Variants in KANSL3 observed in about 807,000 individuals in gnomAD.
KANSL3 encodes the protein KAT8 regulatory NSL complex subunit 3.
In KANSL3, 16 loss-of-function variants were observed where a neutral mutation model predicts 89.2. The ratio of observed to expected loss-of-function variants is 0.18; its 90% CI spans 0.12 to 0.27. The LOEUF (loss-of-function observed/expected upper bound fraction) is 0.27, where lower values mean the gene tolerates loss of function less well. KANSL3 is among the 10% of genes least tolerant of loss of function. The pLI is 1.00. For missense variants in KANSL3, 879 were observed against 1,110.6 expected (o/e 0.79, Z 2.96); for synonymous variants, 385 against 419.7 (o/e 0.92, Z 1.01).
chr2:96,594,885 A>C lies in KANSL3; in HGVS notation c.*726T>G, dbSNP rs1308397498. The C allele has an allele frequency of 6.6e-6, 1 of 152,310 alleles. No individual in the cohort carries two copies. The highest frequency in any genetic ancestry group is 1.5e-5 in the Non-Finnish European group (1 of 68,086). The allele number at this position is 152,310 out of a possible 1,614,324, so 9.4% of individuals were successfully genotyped here. A position where few individuals can be genotyped will look rare whatever the true frequency, so the allele number is the denominator to read the frequency against. On this transcript the variant is annotated 3_prime_UTR_variant, in exon 21 of 21. Transcript: ENST00000431828. Reference sequence around the variant, plus strand: ...CTGCCCAAAGCATGGTGAAAAAGACAAAGGGCCCAGGTTTCACCTGGCAAC... The same window carrying C: ...CTGCCCAAAGCATGGTGAAAAAGACCAAGGGCCCAGGTTTCACCTGGCAAC...
Position 96,593,467 on chromosome 2 carries a change from C to G in KANSL3, c.*2144G>C. On this transcript the variant is annotated 3_prime_UTR_variant, in exon 21 of 21. Coordinates refer to ENST00000431828, the MANE Select transcript of KANSL3 (RefSeq NM_001115016.3). The stretch of plus-strand genomic sequence containing the variant: ...AATAGGTAAAGCTTCCTTTCGCGTT[C>G]CAAGAAATATAGTTTGCGAAGGGAA... 2.7e-6 allele frequency: 1 copy of G among 375,614 alleles called. No individual in the cohort carries two copies. Among genetic ancestry groups the G allele is most frequent in the East Asian group, 7.3e-5 (1 of 13,772 alleles). 23.3% of individuals were successfully genotyped at this position (375,614 alleles called of 1,614,324 possible). A position where few individuals can be genotyped will look rare whatever the true frequency, so the allele number is the denominator to read the frequency against.
chr2:96,610,657 T>C, intron 11 of KANSL3, 69 bp downstream of exon 11: 2 of 1,565,928 alleles, frequency 1.3e-6, no homozygotes, highest in Non-Finnish European at 8.7e-7. Context: ...GTAGTTACAT[T>C]GCCAGCTTCC....
At chr2:96,583,297 C>G in the KANSL3 span, among the ~76,000 whole-genome samples, 2 of 152,300 alleles carry the variant, frequency 1.3e-5, no homozygotes, top group South Asian at 4.1e-4. Context: ...GTAGGAGCTA[C>G]TTGGCTATTA....
chr2:96,628,544 G>A (rs1214636375), intron 3 of KANSL3: 1 of 165,616 alleles, frequency 6.0e-6, no homozygotes, highest in East Asian at 1.7e-4. Context: ...CTACTTGGGA[G>A]GTTAAGGTTC....
At position 96,619,348 on chromosome 2, in the gene KANSL3, C is replaced by A. The variant is rs1305779733; in HGVS notation, c.663+11G>T. On this transcript the variant is annotated intron_variant, in intron 5 of 20. Coordinates refer to ENST00000431828, the MANE Select transcript of KANSL3 (RefSeq NM_001115016.3). ...TCCCTAGGACAGGGCAGACCCCAAT[C>A]ACAGCCTTACCTTCCCCTTCAGCGT... is the stretch of plus-strand genomic sequence containing the variant. 1 of 1,604,338 alleles carries A rather than the reference C, an allele frequency of 6.2e-7. No homozygotes were observed.
intron 2 of KANSL3, 102 bp downstream of exon 2, chr2:96,636,818 CT>C (rs1026605068): frequency 6.2e-6 from 6 of 972,084 alleles, no homozygotes; most frequent in Non-Finnish European, 9.0e-6. Flanking sequence ...ATCCAAATGC[CT>C]CATACAATCT....
At chr2:96,618,736 G>C (rs1258217974) in intron 5 of KANSL3, among the ~76,000 whole-genome samples, 1 of 152,224 alleles carries the variant, frequency 6.6e-6, no homozygotes, top group Non-Finnish European at 1.5e-5. Context: ...CAGCTAATCA[G>C]TAACAAAGCT....
intron 5 of KANSL3, among the ~76,000 whole-genome samples, chr2:96,617,619 G>C (rs933656419): frequency 6.6e-6 from 1 of 151,848 alleles, no homozygotes; most frequent in Non-Finnish European, 1.5e-5. Flanking sequence ...CCAGCAATTT[G>C]GGAGGACAAG....
intron 3 of KANSL3, among the ~76,000 whole-genome samples, chr2:96,627,284 G>C (rs1277766832): frequency 6.6e-6 from 1 of 151,642 alleles, no homozygotes; most frequent in Non-Finnish European, 1.5e-5. Flanking sequence ...GCACGATCTC[G>C]GCTCACTGCA....
chr2:96,633,361 C>T (rs535087179), intron 2 of KANSL3, among the ~76,000 whole-genome samples: 5 of 151,994 alleles, frequency 3.3e-5, no homozygotes, highest in Non-Finnish European at 5.9e-5. Context: ...CCTTAGGTCA[C>T]GAGTTCGAGA....
chr2:96,595,449 ACCT>A lies in KANSL3; in HGVS notation c.*159_*161del. 1.6e-6 allele frequency: 1 copy of A among 639,756 alleles called. No individual in the cohort carries two copies. Among genetic ancestry groups the A allele is most frequent in the South Asian group, 2.1e-5 (1 of 47,264 alleles). 39.6% of individuals were successfully genotyped at this position (639,756 alleles called of 1,614,324 possible). The stretch of plus-strand genomic sequence containing the variant: ...TCCCTTGCTGGCACCGTATCACCTA[ACCT>A]AATGGTTTCTCTGAAGACAGTTGGC... On this transcript the variant is annotated 3_prime_UTR_variant, in exon 21 of 21. Transcript: ENST00000431828.
intron 3 of KANSL3, among the ~76,000 whole-genome samples, chr2:96,621,225 T>G (rs1165909971): frequency 6.6e-6 from 1 of 151,980 alleles, no homozygotes; most frequent in African/African-American, 2.4e-5. Flanking sequence ...GAAATGTAAC[T>G]ACATAAAAAT....
At chr2:96,634,525 A>G (rs2073975451) in intron 2 of KANSL3, among the ~76,000 whole-genome samples, 1 of 152,072 alleles carries the variant, frequency 6.6e-6, no homozygotes, top group Non-Finnish European at 1.5e-5. Context: ...AAAAAAAAAA[A>G]AGAAAGTAAG....
chr2:96,602,037 C>T, intron 19 of KANSL3, 79 bp downstream of exon 19: 2 of 1,395,046 alleles, frequency 1.4e-6, no homozygotes, highest in African/African-American at 2.9e-5. Flanking sequence ...AACATCATAC[C>T]TTGCCCACAT....
chr2:96,602,296 C>T lies in KANSL3; in HGVS notation c.2302G>A (p.Ala768Thr), dbSNP rs1340914740. The change falls in exon 19 of 21, where the codon GCC becomes ACC. Residue 768 changes from alanine to threonine, a missense_variant. Physicochemically the swap from Ala to Thr is moderately conservative, Grantham distance 58 (BLOSUM62 0). Around this residue, in one of 6 missense-constraint regions of KANSL3, gnomAD observed 89 missense variants for 139.7 expected, o/e 0.64. Coordinates refer to ENST00000431828, the MANE Select transcript of KANSL3 (RefSeq NM_001115016.3). ...KLPTPMQSLG[A>T]ITTGTSTIVR... ...ATGGTGCTGGTGCCCGTGGTGATGGCACCCAGGCTCTGCATGGGGGTGGGC... is the reference window on the plus strand; with the variant it reads ...ATGGTGCTGGTGCCCGTGGTGATGGTACCCAGGCTCTGCATGGGGGTGGGC... 6.2e-7 allele frequency: 1 copy of T among 1,612,076 alleles called. No homozygotes were observed. The highest frequency in any genetic ancestry group is 8.5e-7 in the Non-Finnish European group (1 of 1,179,252).
intron 17 of KANSL3, chr2:96,603,219 C>CAA (rs1157768442): frequency 2.6e-5 from 5 of 189,062 alleles, no homozygotes; most frequent in Non-Finnish European, 4.4e-5. Flanking sequence ...CTCACACAAT[C>CAA]AAAGCAGTAA....
chr2:96,628,088 G>A lies in KANSL3; in HGVS notation c.386+3224C>T. 3 of 1,290,292 alleles carry A rather than the reference G, an allele frequency of 2.3e-6. No homozygotes were observed. The South Asian group carries it at 3.7e-5, about 16-fold the overall frequency. The allele number at this position is 1,290,292 out of a possible 1,614,324, so 79.9% of individuals were successfully genotyped here. A position where few individuals can be genotyped will look rare whatever the true frequency, so the allele number is the denominator to read the frequency against. ...AGGGTGGTGGTCCACAAGGAGACTG[G>A]AGAAAGATAAGCCAAAGACAAGAAT... On this transcript the variant is annotated intron_variant, in intron 3 of 20. Coordinates refer to ENST00000431828, the MANE Select transcript of KANSL3 (RefSeq NM_001115016.3).
chr2:96,585,383 A>G, the KANSL3 span, among the ~76,000 whole-genome samples: 1 of 152,208 alleles, frequency 6.6e-6, no homozygotes, highest in African/African-American at 2.4e-5. Context: ...AATGCTCAAC[A>G]CCACTAATTA....
At chr2:96,624,638 C>G (rs1168980993) in intron 3 of KANSL3, among the ~76,000 whole-genome samples, 4 of 152,162 alleles carry the variant, frequency 2.6e-5, no homozygotes, top group Admixed American at 2.6e-4. Context: ...TCTCCTGCCT[C>G]AGCCTCCAGA....
Sources: gnomAD v4.1 joint callset for allele counts (sites outside exome capture counted in the v4.1 genomes callset) on GRCh38, gnomAD v4.1.1 for gene constraint, gnomAD v4.1.1 regional missense constraint, MANE v1.5 for transcripts, NCBI Gene and HGNC (gene_info 2026-07-23, HGNC 2026-07-21) for gene names.